RIN3: variants seen among roughly 807,000 people sequenced by gnomAD.
The protein encoded by RIN3 is Ras and Rab interactor 3, also known as RAB5 interacting protein 3.
A neutral mutation model predicts 76.3 loss-of-function variants in RIN3; 54 were observed. The observed-to-expected ratio is 0.71, with a 90% CI of 0.57 to 0.89. The LOEUF (loss-of-function observed/expected upper bound fraction) is 0.89. Among genes scored for constraint, RIN3 ranks in the 40% least tolerant of loss-of-function variants. The pLI is 0.00. For synonymous variants in RIN3, 576 were observed against 564.0 expected (o/e 1.02, Z -0.30); for missense variants, 1,256 against 1,322.1 (o/e 0.95, Z 0.78).
intron 1 of RIN3, among the ~76,000 whole-genome samples, chr14:92,552,540 C>A (rs979984256): frequency 1.2e-4 from 18 of 152,094 alleles, no homozygotes; most frequent in African/African-American, 4.3e-4. Context: ...TCCCCCTACC[C>A]CCTCTGCTCT....
intron 4 of RIN3, among the ~76,000 whole-genome samples, chr14:92,616,898 CTA>C (rs925594989): frequency 6.6e-6 from 1 of 152,206 alleles, no homozygotes; most frequent in Non-Finnish European, 1.5e-5. Context: ...GTTCTAAAAC[CTA>C]TGTGTTTCCT....
At chr14:92,526,557 A>T (rs1306208553) in intron 1 of RIN3, among the ~76,000 whole-genome samples, 2 of 151,592 alleles carry the variant, frequency 1.3e-5, no homozygotes, top group East Asian at 3.9e-4. Flanking sequence ...GATGGAGACC[A>T]TCCTGGCCAA....
At position 92,661,723 on chromosome 14, in the gene RIN3, T is replaced by TCACA. The variant is rs778646491; in HGVS notation, c.2335+2287_2335+2290dup. On this transcript the variant is annotated intron_variant, in intron 7 of 9. Coordinates refer to ENST00000216487, the MANE Select transcript of RIN3 (RefSeq NM_024832.5). The stretch of plus-strand genomic sequence containing the variant: ...TGGGTGGTGACAGAGTGAGACTCTG[T>TCACA]CACACACACACACACACACACACAC... Among the ~76,000 whole-genome samples, 150 of 134,956 alleles carry TCACA rather than the reference T, an allele frequency of 1.1e-3. 1 individual carries two copies. Among genetic ancestry groups the TCACA allele is most frequent in the East Asian group, 9.3e-3 (44 of 4,706 alleles). 88.5% of individuals were successfully genotyped at this position (134,956 alleles called of 152,430 possible).
At position 92,608,597 on chromosome 14, in the gene RIN3, C is replaced by T. The variant is rs189010669; in HGVS notation, c.368-6810C>T. On this transcript the variant is annotated intron_variant, in intron 3 of 9. Coordinates refer to ENST00000216487, the MANE Select transcript of RIN3 (RefSeq NM_024832.5). ...TTGCCCAGGCTGGAGTGCAGTGGCA[C>T]GATCTTGGCTCACTACAACCTCTGT... Among the ~76,000 whole-genome samples, 571 of 151,888 alleles carry T rather than the reference C, an allele frequency of 3.8e-3. 5 individuals are homozygous for T. Among genetic ancestry groups the T allele is most frequent in the African/African-American group, 0.013 (520 of 41,390 alleles).
intron 1 of RIN3, among the ~76,000 whole-genome samples, chr14:92,547,582 G>C (rs866324633): frequency 1.3e-5 from 2 of 151,670 alleles, no homozygotes; most frequent in South Asian, 2.1e-4. Context: ...TTTTTGTAGA[G>C]ATAGTGTCTC....
chr14:92,527,868 A>G (rs1166870286), intron 1 of RIN3, among the ~76,000 whole-genome samples: 1 of 152,030 alleles, frequency 6.6e-6, no homozygotes, highest in Non-Finnish European at 1.5e-5. Flanking sequence ...CGTTGTGTGG[A>G]TCTACCAGTG....
intron 7 of RIN3, among the ~76,000 whole-genome samples, chr14:92,669,119 T>G (rs1028034084): frequency 6.6e-6 from 1 of 152,260 alleles, no homozygotes; most frequent in Non-Finnish European, 1.5e-5. Flanking sequence ...TATTCATTCA[T>G]GCTTTTAGCA....
In RIN3 at chr14:92,577,390, A is replaced by G. The variant is rs1455478317; in HGVS notation, c.280A>G (p.Lys94Glu). Residue 94 changes from lysine to glutamate, a missense_variant, in exon 3 of 10, where the codon AAG becomes GAG. Transcript: ENST00000216487. ...MFLVRRDSSS[K>E]QLVLCVHFPS... Reference sequence around the variant, plus strand: ...CCTGGTTCGCCGGGACAGCAGCTCGAAGCAGCTGGTGCTCTGTGTCCACTT... The same window carrying G: ...CCTGGTTCGCCGGGACAGCAGCTCGGAGCAGCTGGTGCTCTGTGTCCACTT... 1 of 1,613,702 alleles carries G rather than the reference A, an allele frequency of 6.2e-7. No individual in the cohort carries two copies. Among genetic ancestry groups the G allele is most frequent in the Non-Finnish European group, 8.5e-7 (1 of 1,179,714 alleles).
At chr14:92,560,455 T>C (rs1897731373) in intron 2 of RIN3, among the ~76,000 whole-genome samples, 1 of 152,198 alleles carries the variant, frequency 6.6e-6, no homozygotes, top group East Asian at 1.9e-4. Flanking sequence ...TGAGTGCATG[T>C]GCTGTTACGA....
At chr14:92,601,575 A>G (rs1003189213) in intron 3 of RIN3, among the ~76,000 whole-genome samples, 1 of 151,978 alleles carries the variant, frequency 6.6e-6, no homozygotes, top group Admixed American at 6.5e-5. Context: ...CCAAGGTGTT[A>G]CCCACCTCCC....
intron 1 of RIN3, among the ~76,000 whole-genome samples, chr14:92,542,073 G>A (rs754498476): frequency 1.2e-4 from 19 of 152,138 alleles, no homozygotes; most frequent in Non-Finnish European, 2.8e-4. Context: ...CAGGAGGATT[G>A]CTTGAGTCGA....
intron 3 of RIN3, among the ~76,000 whole-genome samples, chr14:92,588,909 T>C (rs928820357): frequency 4.6e-5 from 7 of 152,334 alleles, no homozygotes; most frequent in African/African-American, 1.7e-4. Flanking sequence ...ATTGGTGTTA[T>C]CACGGAATGT....
chr14:92,577,415 T>A lies in RIN3; in HGVS notation c.305T>A (p.Phe102Tyr). ...AAGCAGCTGGTGCTCTGTGTCCACT[T>A]TCCTTCTCTGAACGAAAGCTCGGCC... is the stretch of plus-strand genomic sequence containing the variant. The part of the protein sequence containing the change: ...SSKQLVLCVH[F>Y]PSLNESSAEV... Residue 102 changes from phenylalanine (F) to tyrosine (Y), a missense_variant, in exon 3 of 10, where the codon TTT becomes TAT. Transcript: ENST00000216487. 6.2e-7 allele frequency: 1 copy of A among 1,613,898 alleles called. No individual in the cohort carries two copies.
chr14:92,615,637 G>A lies in RIN3; in HGVS notation c.440+158G>A, dbSNP rs1007678722. ...ACAGGCCCCTCTGGGAACCACAGAG[G>A]ATGTGTTGGCTCTGAGGCTTTCTCA... On this transcript the variant is annotated intron_variant, in intron 4 of 9. Coordinates refer to ENST00000216487, the MANE Select transcript of RIN3 (RefSeq NM_024832.5). The A allele has an allele frequency of 3.2e-5, 21 of 658,196 alleles. No homozygotes were observed. In the East Asian group the frequency reaches 5.0e-4, roughly 16 times the overall value. 40.8% of individuals were successfully genotyped at this position (658,196 alleles called of 1,614,324 possible). A position where few individuals can be genotyped will look rare whatever the true frequency, so the allele number is the denominator to read the frequency against.
chr14:92,563,093 C>T (rs1286761181), intron 2 of RIN3, among the ~76,000 whole-genome samples: 4 of 152,198 alleles, frequency 2.6e-5, no homozygotes, highest in African/African-American at 9.7e-5. Flanking sequence ...GGTGCAGTGA[C>T]TCCTGCCTGG....
At chr14:92,622,909 A>G (rs573524361) in intron 4 of RIN3, among the ~76,000 whole-genome samples, 283 of 152,350 alleles carry the variant, frequency 1.9e-3, no homozygotes, top group Non-Finnish European at 2.8e-3. Context: ...CTTTAAACCT[A>G]TCTAATATGA....
intron 1 of RIN3, among the ~76,000 whole-genome samples, chr14:92,531,503 G>A (rs921469794): frequency 1.1e-4 from 17 of 152,312 alleles, no homozygotes; most frequent in Admixed American, 3.9e-4. Context: ...CTGGGGGTGC[G>A]GAATCCACTT....
intron 9 of RIN3, chr14:92,687,568 T>C: frequency 3.3e-6 from 1 of 306,892 alleles, no homozygotes; most frequent in Non-Finnish European, 6.1e-6. Context: ...GTGCCCAGCA[T>C]TGCGCCTGGG....
At chr14:92,558,117 G>A (rs11626205) in intron 2 of RIN3, among the ~76,000 whole-genome samples, 41,784 of 152,100 alleles carry the variant, frequency 0.27, 6,123 homozygotes, top group Middle Eastern at 0.37. Flanking sequence ...GGGAGGCCAC[G>A]GCAGGGGGAT....
Sources: gnomAD v4.1 joint callset for allele counts (sites outside exome capture counted in the v4.1 genomes callset) on GRCh38, gnomAD v4.1.1 for gene constraint, MANE v1.5 for transcripts, NCBI Gene and HGNC (gene_info 2026-07-23, HGNC 2026-07-21) for gene names.